PABPN1L: variants seen among roughly 807,000 people sequenced by gnomAD.
PABPN1L encodes PABPN1 like, cytoplasmic.
PABPN1L carries 45 observed loss-of-function variants against 34.0 expected under a neutral mutation model. The observed-to-expected ratio is 1.32, with a 90% confidence interval of 1.04 to 1.70. The LOEUF is 1.70. PABPN1L is among the 40% of genes most tolerant of loss of function. PABPN1L has a pLI of 0.00. For missense variants in PABPN1L, 459 were observed against 367.8 expected (o/e 1.25, Z -2.03); for synonymous variants, 182 against 152.1 (o/e 1.20, Z -1.45).
exon 2 of PABPN1L, chr16:88,865,850 T>G: frequency 6.2e-7 from 1 of 1,610,068 alleles, no homozygotes; most frequent in Non-Finnish European, 8.5e-7. Context: ...GGTGCCCTCC[T>G]CTTCCTCGGC....
At chr16:88,863,682 A>G in exon 7 of PABPN1L, 1 of 1,504,484 alleles carries the variant, frequency 6.6e-7, no homozygotes, top group East Asian at 2.5e-5. Context: ...TCCCTGCCCC[A>G]GCCCCAGGAT....
At chr16:88,865,157 G>T in intron 3 of PABPN1L, 29 bp from the exon 4 acceptor site, 1 of 1,549,750 alleles carries the variant, frequency 6.5e-7, no homozygotes, top group Non-Finnish European at 8.7e-7. Flanking sequence ...CAGCATGTGA[G>T]GGAGACGCCT....
At chr16:88,867,192 C>A (rs764324222), upstream of PABPN1L, among the ~76,000 whole-genome samples, 1 of 151,738 alleles carries the variant, frequency 6.6e-6, no homozygotes, top group Admixed American at 6.6e-5. Flanking sequence ...CCCCAGGGAC[C>A]CTTGCCTCCC....
upstream of PABPN1L, among the ~76,000 whole-genome samples, chr16:88,867,220 CT>C (rs1208230360): frequency 0.078 from 11,135 of 142,002 alleles, 817 homozygotes; most frequent in African/African-American, 0.2. Context: ...TATTCTGGGC[CT>C]TTTTTTTTTT....
exon 2 of PABPN1L, chr16:88,865,810 G>C (rs770137862): frequency 6.2e-7 from 1 of 1,604,150 alleles, no homozygotes; most frequent in Non-Finnish European, 8.5e-7. Context: ...TCCTACCCAC[G>C]GTCTCAGGGC....
At chr16:88,863,413 T>C in exon 7 of PABPN1L, 1 of 451,434 alleles carries the variant, frequency 2.2e-6, no homozygotes, top group Non-Finnish European at 4.0e-6. Context: ...TAAAATGACT[T>C]AGTTGAAGAG....
At chr16:88,865,921 C>G (rs760585479) in exon 2 of PABPN1L, 1 of 1,608,250 alleles carries the variant, frequency 6.2e-7, no homozygotes, top group Non-Finnish European at 8.5e-7. Context: ...CACACACCTT[C>G]ATCTTGATGG....
chr16:88,865,719 G>A (rs953342051), intron 2 of PABPN1L, 87 bp downstream of exon 2: 14 of 1,552,712 alleles, frequency 9.0e-6, no homozygotes, highest in African/African-American at 2.7e-5. Context: ...TAGGGGAGGT[G>A]ACACCTTGGA....
At chr16:88,863,606 C>G (rs1357979121) in exon 7 of PABPN1L, 1 of 1,022,966 alleles carries the variant, frequency 9.8e-7, no homozygotes, top group South Asian at 1.4e-5. Context: ...TGGGCCATCC[C>G]CCCGCCAAGA....
chr16:88,864,173 C>T (rs1968522394), intron 6 of PABPN1L, 64 bp downstream of exon 6: 2 of 1,497,310 alleles, frequency 1.3e-6, no homozygotes, highest in African/African-American at 1.4e-5. Context: ...GGGACCCCCT[C>T]CTGCCCCTGA....
exon 6 of PABPN1L, chr16:88,864,354 G>C (rs760070210): frequency 6.4e-7 from 1 of 1,556,360 alleles, no homozygotes; most frequent in Admixed American, 1.9e-5. Flanking sequence ...GCTGATCCCA[G>C]GGAAGTTGGT....
intron 6 of PABPN1L, 70 bp downstream of exon 6, chr16:88,864,166 AC>A: frequency 6.8e-7 from 1 of 1,471,728 alleles, no homozygotes; most frequent in Non-Finnish European, 9.0e-7. Flanking sequence ...GAGCTCAGGG[AC>A]CCCCTCCTGC....
At chr16:88,865,753 G>A (rs1968576157) in intron 2 of PABPN1L, 53 bp downstream of exon 2, 45 of 1,563,686 alleles carry the variant, frequency 2.9e-5, no homozygotes, top group Non-Finnish European at 3.8e-5. Flanking sequence ...AACCTTAATG[G>A]AAACTGTGGG....
exon 1 of PABPN1L, chr16:88,866,541 G>A (rs1285211813): frequency 6.4e-7 from 1 of 1,551,734 alleles, no homozygotes; most frequent in African/African-American, 1.4e-5. Context: ...CAGGGTCTGA[G>A]GAGACCGTCT....
exon 6 of PABPN1L, chr16:88,864,306 G>A: frequency 6.4e-7 from 1 of 1,555,594 alleles, no homozygotes; most frequent in Non-Finnish European, 8.7e-7. Context: ...TGCCCCCCTG[G>A]AGCCTGGGTG....
exon 7 of PABPN1L, chr16:88,863,662 C>T (rs1393566005): frequency 1.4e-6 from 2 of 1,458,780 alleles, no homozygotes; most frequent in East Asian, 2.5e-5. Context: ...TGGCCTCGCC[C>T]CCGCGCCACT....
intron 5 of PABPN1L, 71 bp downstream of exon 5, chr16:88,864,782 C>A (rs1296271127): frequency 2.1e-6 from 3 of 1,449,750 alleles, no homozygotes; most frequent in Admixed American, 3.9e-5. Context: ...GCTGGGGCTG[C>A]TGTGTGTCCC....
chr16:88,868,561 G>A (rs548355657), upstream of PABPN1L, among the ~76,000 whole-genome samples: 48 of 152,180 alleles, frequency 3.2e-4, no homozygotes, highest in African/African-American at 1.1e-3. Flanking sequence ...AGCCGAGATC[G>A]CGCCACTGCA....
At chr16:88,869,219 C>A (rs1305559901), upstream of PABPN1L, among the ~76,000 whole-genome samples, 1 of 152,230 alleles carries the variant, frequency 6.6e-6, no homozygotes, top group Non-Finnish European at 1.5e-5. Flanking sequence ...GCTGTCACCC[C>A]ATCTGTTCAC....
Sources: gnomAD v4.1 joint callset for allele counts (sites outside exome capture counted in the v4.1 genomes callset) on GRCh38, gnomAD v4.1.1 for gene constraint, MANE v1.5 for transcripts, NCBI Gene and HGNC (gene_info 2026-07-23, HGNC 2026-07-21) for gene names.